Variants in MEDAG observed in about 807,000 individuals in gnomAD.
The protein encoded by MEDAG is mesenteric estrogen dependent adipogenesis, also known as mesenteric estrogen-dependent adipogenesis protein.
MEDAG carries 25 observed loss-of-function variants against 29.9 expected under a neutral mutation model. The observed-to-expected ratio is 0.84, with a 90% CI of 0.61 to 1.17. MEDAG has a LOEUF of 1.17. Ranked by LOEUF, MEDAG falls within the 50% of genes most tolerant of loss-of-function variation. The probability of loss-of-function intolerance (pLI) is 0.00; values close to 1 mark genes in which losing one functional copy is unlikely to be tolerated. For missense variants in MEDAG, 398 were observed against 372.9 expected (o/e 1.07, Z -0.56); for synonymous variants, 158 against 148.2 (o/e 1.07, Z -0.48).
Position 30,906,479 on chromosome 13 carries a change from G to A in MEDAG, c.-37G>A. On this transcript the variant is annotated 5_prime_UTR_variant, in exon 1 of 5. Coordinates refer to ENST00000380482, the MANE Select transcript of MEDAG (RefSeq NM_032849.4). ...TGCCGGCTGGGGGCTGTAGGCACCG[G>A]ACGGAAGCAGGCGGTGTGAGGACCG... 1.4e-6 allele frequency: 2 copies of A among 1,447,320 alleles called. No individual in the cohort carries two copies. Among genetic ancestry groups the A allele is most frequent in the Non-Finnish European group, 1.8e-6 (2 of 1,105,968 alleles). The allele number at this position is 1,447,320 out of a possible 1,614,324, so 89.7% of individuals were successfully genotyped here.
intron 1 of MEDAG, among the ~76,000 whole-genome samples, chr13:30,914,883 G>C (rs140192663): frequency 6.6e-6 from 1 of 152,160 alleles, no homozygotes; most frequent in Non-Finnish European, 1.5e-5. Context: ...AATGCCATGC[G>C]CTTTCCATTA....
rs1747170738 is a variant in MEDAG at position 30,906,443 on chromosome 13, G to A, written c.-73G>A. 7.3e-7 allele frequency: 1 copy of A among 1,377,510 alleles called. No individual in the cohort carries two copies. The highest frequency in any genetic ancestry group is 9.4e-7 in the Non-Finnish European group (1 of 1,065,816). The allele number at this position is 1,377,510 out of a possible 1,614,324, so 85.3% of individuals were successfully genotyped here. ...AGGCAGGGCGCCCGGCCCCTCCTGG[G>A]GACCATCAGGTGCCGGCTGGGGGCT... On this transcript the variant is annotated 5_prime_UTR_variant, in exon 1 of 5. Transcript: ENST00000380482.
chr13:30,914,265 G>T (rs747053205), intron 1 of MEDAG, among the ~76,000 whole-genome samples: 1 of 152,196 alleles, frequency 6.6e-6, no homozygotes, highest in Admixed American at 6.5e-5. Context: ...GACCATAACT[G>T]GGAGGCTGGG....
At chr13:30,908,379 G>A (rs1952849562) in intron 1 of MEDAG, among the ~76,000 whole-genome samples, 1 of 152,210 alleles carries the variant, frequency 6.6e-6, no homozygotes. Flanking sequence ...GAAATAGCAA[G>A]GAGCCTCTGA....
intron 2 of MEDAG, among the ~76,000 whole-genome samples, chr13:30,918,243 T>G (rs944663131): frequency 6.6e-6 from 1 of 152,170 alleles, no homozygotes; most frequent in African/African-American, 2.4e-5. Context: ...AGTGCTCTAA[T>G]GTAATGGATC....
intron 2 of MEDAG, among the ~76,000 whole-genome samples, chr13:30,920,116 TC>T (rs1266702805): frequency 6.6e-6 from 1 of 152,084 alleles, no homozygotes; most frequent in East Asian, 1.9e-4. Context: ...GTTGCCTTGG[TC>T]CATAGAACCC....
intron 2 of MEDAG, among the ~76,000 whole-genome samples, chr13:30,919,808 T>A (rs1446197765): frequency 6.6e-6 from 1 of 152,196 alleles, no homozygotes; most frequent in African/African-American, 2.4e-5. Flanking sequence ...GGTATCTATG[T>A]GTCTCCTTAG....
intron 1 of MEDAG, among the ~76,000 whole-genome samples, chr13:30,914,942 G>A (rs1288911805): frequency 2.6e-5 from 4 of 152,158 alleles, no homozygotes; most frequent in African/African-American, 7.2e-5. Flanking sequence ...GAATCTCCCC[G>A]AGGAATGTAG....
chr13:30,919,805 A>G (rs757468676), intron 2 of MEDAG, among the ~76,000 whole-genome samples: 25 of 152,300 alleles, frequency 1.6e-4, no homozygotes, highest in Admixed American at 1.5e-3. Context: ...ACAGGTATCT[A>G]TGTGTCTCCT....
Position 30,921,021 on chromosome 13 carries a change from G to C in MEDAG, c.396G>C (p.Thr132=). The change falls in exon 3 of 5, where the codon ACG becomes ACC. Residue 132 remains threonine (T), a synonymous_variant. Transcript: ENST00000380482. ...QTKKDTSKER[T]YAFLVNTRHP... ...CTGCTTGCTAATTTCTAGAAAGGAC[G>C]TACGCGTTTCTTGTAAACACGAGGC... 1 of 1,613,324 alleles carries C rather than the reference G, an allele frequency of 6.2e-7. No homozygotes were observed. Among genetic ancestry groups the C allele is most frequent in the South Asian group, 1.1e-5 (1 of 90,808 alleles).
At chr13:30,924,066 A>C (rs917136483) in intron 4 of MEDAG, among the ~76,000 whole-genome samples, 3 of 152,208 alleles carry the variant, frequency 2.0e-5, no homozygotes, top group Non-Finnish European at 4.4e-5. Flanking sequence ...TTTGCCCTCA[A>C]GTGTGAAAGA....
intron 1 of MEDAG, chr13:30,916,467 T>TCAGCC (rs1313709891): frequency 6.6e-6 from 1 of 152,272 alleles, no homozygotes; most frequent in African/African-American, 2.4e-5. Context: ...CGCGCTCAGC[T>TCAGCC]CAGCCAGCCA....
chr13:30,913,309 G>A (rs1367834966), intron 1 of MEDAG, among the ~76,000 whole-genome samples: 1 of 152,102 alleles, frequency 6.6e-6, no homozygotes, highest in African/African-American at 2.4e-5. Context: ...TGGAATTCCT[G>A]GACTCCAGCA....
chr13:30,906,628 C>T lies in MEDAG; in HGVS notation c.113C>T (p.Ala38Val), dbSNP rs1044282570. The change falls in exon 1 of 5, where the codon GCT becomes GTT. Residue 38 changes from alanine (A) to valine (V), a missense_variant. Ala to Val is a moderately conservative substitution (Grantham distance 64). Coordinates refer to ENST00000380482, the MANE Select transcript of MEDAG (RefSeq NM_032849.4). Reference protein sequence around the residue: ...CDCELALLPLAQLLRLQPGAF... With the variant: ...CDCELALLPLVQLLRLQPGAF... ...TGCGAGCTGGCCCTGCTGCCGCTGG[C>T]TCAGCTGCTGCGCCTGCAGCCCGGT... 4.4e-6 allele frequency: 7 copies of T among 1,582,392 alleles called. No individual in the cohort carries two copies. Among genetic ancestry groups the T allele is most frequent in the Non-Finnish European group, 6.0e-6 (7 of 1,172,768 alleles).
intron 1 of MEDAG, among the ~76,000 whole-genome samples, chr13:30,915,818 C>T (rs370192454): frequency 3.3e-5 from 5 of 151,932 alleles, no homozygotes; most frequent in East Asian, 3.9e-4. Flanking sequence ...CACCCCAGCG[C>T]CCCACCCCAG....
At chr13:30,915,604 TA>T (rs1333317813) in intron 1 of MEDAG, among the ~76,000 whole-genome samples, 4 of 151,742 alleles carry the variant, frequency 2.6e-5, no homozygotes, top group Middle Eastern at 3.4e-3. Flanking sequence ...TCAACTGGGA[TA>T]AAAAAAAGGG....
chr13:30,921,493 G>GA, intron 3 of MEDAG, 68 bp from the exon 4 acceptor site: 1 of 1,422,618 alleles, frequency 7.0e-7, no homozygotes, highest in South Asian at 1.4e-5. Flanking sequence ...TTAGGCGGTT[G>GA]TTAGTTCTAC....
At position 30,924,647 on chromosome 13, in the gene MEDAG, T is replaced by G; in HGVS notation, c.*212T>G. On this transcript the variant is annotated 3_prime_UTR_variant, in exon 5 of 5. Transcript: ENST00000380482. Reference sequence around the variant, plus strand: ...AGCTGATTCCCCTAAAACTTATGATTACCAGGATGGAAAGGCCTTGGTCCC... The same window carrying G: ...AGCTGATTCCCCTAAAACTTATGATGACCAGGATGGAAAGGCCTTGGTCCC... The G allele has an allele frequency of 2.4e-6, 1 of 422,514 alleles. No homozygotes were observed. The highest frequency in any genetic ancestry group is 4.1e-6 in the Non-Finnish European group (1 of 241,024). The allele number at this position is 422,514 out of a possible 1,614,324, so 26.2% of individuals were successfully genotyped here. A position where few individuals can be genotyped will look rare whatever the true frequency, so the allele number is the denominator to read the frequency against.
At chr13:30,913,613 A>G (rs190019728) in intron 1 of MEDAG, among the ~76,000 whole-genome samples, 99 of 152,344 alleles carry the variant, frequency 6.5e-4, no homozygotes, top group Non-Finnish European at 5.0e-4. Context: ...AGGGTAAAGC[A>G]ATGAAGAAAT....
Sources: allele counts gnomAD v4.1 joint callset (sites outside exome capture counted in the v4.1 genomes callset), GRCh38; gene constraint gnomAD v4.1.1; transcripts MANE v1.5; gene names NCBI Gene and HGNC (gene_info 2026-07-23, HGNC 2026-07-21).